THEMIS: variants seen among roughly 807,000 people sequenced by gnomAD.
The protein encoded by THEMIS is thymocyte selection associated.
In THEMIS, 37 loss-of-function variants were observed where a neutral mutation model predicts 52.6. The observed-to-expected ratio is 0.70, with a 90% CI of 0.54 to 0.93. The LOEUF is 0.93. THEMIS is among the 40% of genes least tolerant of loss of function. The pLI, the probability that THEMIS is intolerant of heterozygous loss-of-function variation, is 0.00. For missense variants in THEMIS, 808 were observed against 763.1 expected, an observed-to-expected ratio of 1.06 and a Z score of -0.69; for synonymous variants, 292 against 272.7, an observed-to-expected ratio of 1.07 and a Z score of -0.70.
At chr6:127,871,273 A>T (rs1780148980) in intron 1 of THEMIS, among the ~76,000 whole-genome samples, 1 of 152,066 alleles carries the variant, frequency 6.6e-6, no homozygotes, top group Admixed American at 6.5e-5. Flanking sequence ...TGCATATAAT[A>T]CATATTTATA....
At chr6:127,815,171 A>T (rs920460079) in intron 3 of THEMIS, among the ~76,000 whole-genome samples, 28 of 152,136 alleles carry the variant, frequency 1.8e-4, no homozygotes, top group Non-Finnish European at 5.9e-5. Context: ...AAATAAAAAA[A>T]AATAATAAAG....
intron 2 of THEMIS, among the ~76,000 whole-genome samples, chr6:127,853,496 T>C (rs1179972174): frequency 6.6e-6 from 1 of 151,644 alleles, no homozygotes; most frequent in African/African-American, 2.4e-5. Flanking sequence ...ATCATTGTTA[T>C]AAAAGATGAG....
In THEMIS at chr6:127,735,509, G is replaced by A. The variant is rs574577791; in HGVS notation, c.1759-15686C>T. Among the ~76,000 whole-genome samples the A allele has an allele frequency of 5.1e-4, 77 of 152,234 alleles. 2 individuals are homozygous for A. The highest frequency in any genetic ancestry group is 4.6e-3 in the Admixed American group (70 of 15,292). On this transcript the variant is annotated intron_variant, in intron 4 of 5. Transcript: ENST00000368248. ...TTTATTTAATATTGATTGCATATTGGGGTTATATGTTTGGGATTTTTAGCT... is the reference window on the plus strand; with the variant it reads ...TTTATTTAATATTGATTGCATATTGAGGTTATATGTTTGGGATTTTTAGCT...
chr6:127,886,326 C>G (rs1780643363), intron 1 of THEMIS, among the ~76,000 whole-genome samples: 3 of 151,926 alleles, frequency 2.0e-5, no homozygotes, highest in Non-Finnish European at 2.9e-5. Flanking sequence ...GATTATAGAC[C>G]CAAAGATAAG....
intron 4 of THEMIS, among the ~76,000 whole-genome samples, chr6:127,733,521 ACACT>A (rs1345551057): frequency 1.3e-5 from 2 of 152,206 alleles, no homozygotes; most frequent in Non-Finnish European, 2.9e-5. Context: ...AGCCTCAGAG[ACACT>A]CAGTCTCTGG....
intron 1 of THEMIS, among the ~76,000 whole-genome samples, chr6:127,896,369 A>G (rs1429590178): frequency 6.6e-6 from 1 of 151,582 alleles, no homozygotes; most frequent in Non-Finnish European, 1.5e-5. Flanking sequence ...CAAAGAGAAA[A>G]TGATTTTAAA....
chr6:127,913,237 C>T (rs1781450893), intron 1 of THEMIS, among the ~76,000 whole-genome samples: 2 of 152,310 alleles, frequency 1.3e-5, no homozygotes, highest in Middle Eastern at 3.4e-3. Flanking sequence ...TTATACTCAT[C>T]ACTTAAGTTC....
chr6:127,823,976 GC>G (rs1300466382), intron 3 of THEMIS, among the ~76,000 whole-genome samples: 1 of 152,126 alleles, frequency 6.6e-6, no homozygotes, highest in Non-Finnish European at 1.5e-5. Context: ...GCCTGAGGAG[GC>G]AAAATCCAAA....
the THEMIS span, among the ~76,000 whole-genome samples, chr6:127,700,413 G>A: frequency 3.0e-4 from 45 of 151,788 alleles, 1 homozygote; most frequent in Admixed American, 2.8e-3. Context: ...GTCTAAAAAA[G>A]TATAAATATC....
chr6:127,704,565 A>G (rs546983896), downstream of THEMIS, among the ~76,000 whole-genome samples: 26 of 152,332 alleles, frequency 1.7e-4, 1 homozygote, highest in African/African-American at 6.3e-4. Context: ...CTACTTTACC[A>G]AGTAGGAGAC....
At chr6:127,866,775 C>A (rs901722241) in intron 1 of THEMIS, among the ~76,000 whole-genome samples, 4 of 151,760 alleles carry the variant, frequency 2.6e-5, no homozygotes, top group South Asian at 2.1e-4. Flanking sequence ...GATATACACA[C>A]AAAGAAATAA....
At chr6:127,710,211 G>A (rs1773928753) in intron 5 of THEMIS, among the ~76,000 whole-genome samples, 195 bp from the exon 6 acceptor site, 1 of 151,384 alleles carries the variant, frequency 6.6e-6, no homozygotes, top group South Asian at 2.1e-4. Context: ...TCACTCTTCA[G>A]AAACAAGGTA....
intron 1 of THEMIS, among the ~76,000 whole-genome samples, chr6:127,898,149 C>T (rs1418497122): frequency 6.6e-6 from 1 of 151,590 alleles, no homozygotes; most frequent in Non-Finnish European, 1.5e-5. Flanking sequence ...TTCTGGAATA[C>T]TTGGAATTTT....
intron 1 of THEMIS, among the ~76,000 whole-genome samples, chr6:127,876,805 T>G (rs1012402748): frequency 6.6e-6 from 1 of 152,192 alleles, no homozygotes; most frequent in Admixed American, 6.5e-5. Flanking sequence ...TAGAGCATCT[T>G]GGACATACGT....
rs1340781592 is a variant in THEMIS at position 127,772,404 on chromosome 6, TA to T, written c.1758+40478del. Among the ~76,000 whole-genome samples the T allele has an allele frequency of 2.0e-5, 3 of 152,252 alleles. No homozygotes were observed. In the East Asian group the frequency reaches 5.8e-4, roughly 29 times the overall value. On this transcript the variant is annotated intron_variant, in intron 4 of 5. Coordinates refer to ENST00000368248, the MANE Select transcript of THEMIS (RefSeq NM_001010923.3). ...GGCCTTTGTGTATTTATTGGTTATT[TA>T]GATTTCTGTAAATTTTCTATTTATT...
At chr6:127,830,138 C>T (rs917743160) in intron 2 of THEMIS, among the ~76,000 whole-genome samples, 1 of 151,856 alleles carries the variant, frequency 6.6e-6, no homozygotes, top group African/African-American at 2.4e-5. Context: ...GATCATAAGA[C>T]CAGACAATAC....
At chr6:127,791,401 C>T (rs1054869266) in intron 4 of THEMIS, among the ~76,000 whole-genome samples, 1 of 152,178 alleles carries the variant, frequency 6.6e-6, no homozygotes, top group Non-Finnish European at 1.5e-5. Flanking sequence ...TGGGTAGTTC[C>T]TTTCTGTAGG....
rs58263706 is a variant in THEMIS, at chr6:127,731,864, A to ATTTTTTTTTTTTTTTTTTTT, written c.1759-12061_1759-12042dup. 2.6e-4 allele frequency among the ~76,000 whole-genome samples: 11 copies of ATTTTTTTTTTTTTTTTTTTT among 41,716 alleles called. 3 individuals carry two copies. Among genetic ancestry groups the ATTTTTTTTTTTTTTTTTTTT allele is most frequent in the African/African-American group, 9.5e-4 (9 of 9,488 alleles). The allele number at this position is 41,716 out of a possible 152,430, so 27.4% of individuals were successfully genotyped here. A position where few individuals can be genotyped will look rare whatever the true frequency, so the allele number is the denominator to read the frequency against. On this transcript the variant is annotated intron_variant, in intron 4 of 5. Transcript: ENST00000368248. ...AGGTGCATGCCACCATGCCCGGCTA[A>ATTTTTTTTTTTTTTTTTTTT]TTTTTTTTTTTTTTTTTTTTTTTAG...
chr6:127,816,440 A>T (rs991452836), intron 3 of THEMIS, among the ~76,000 whole-genome samples: 1 of 152,182 alleles, frequency 6.6e-6, no homozygotes, highest in Non-Finnish European at 1.5e-5. Flanking sequence ...CAAAATTAAC[A>T]TGCTTAAACT....
Sources: gnomAD v4.1 joint callset for allele counts (sites outside exome capture counted in the v4.1 genomes callset) on GRCh38, gnomAD v4.1.1 for gene constraint, MANE v1.5 for transcripts, NCBI Gene and HGNC (gene_info 2026-07-23, HGNC 2026-07-21) for gene names.